The following ARFGEF1 variants were observed in gnomAD, a reference collection of about 807,000 sequenced individuals.
The protein encoded by ARFGEF1 is ARF guanine nucleotide exchange factor 1, also known as brefeldin A-inhibited guanine nucleotide-exchange protein 1.
In ARFGEF1, 42 loss-of-function variants were observed where a neutral mutation model predicts 231.0. The observed-to-expected ratio is 0.18, with a 90% confidence interval of 0.14 to 0.24. The LOEUF (loss-of-function observed/expected upper bound fraction) is 0.24, where lower values mean the gene tolerates loss of function less well. ARFGEF1 is among the 10% of genes least tolerant of loss of function. The pLI is 1.00. For synonymous variants in ARFGEF1, 710 were observed against 732.3 expected (o/e 0.97, Z 0.49); for missense variants, 1,345 against 2,192.0 (o/e 0.61, Z 7.72).
chr8:67,329,179 T>A (rs1807980489), intron 1 of ARFGEF1, among the ~76,000 whole-genome samples: 1 of 151,970 alleles, frequency 6.6e-6, no homozygotes, highest in Admixed American at 6.6e-5. Context: ...TGAGCCGACA[T>A]GGCACCACCG....
intron 27 of ARFGEF1, among the ~76,000 whole-genome samples, 191 bp from the exon 28 acceptor site, chr8:67,226,374 TTGTC>T (rs1034036208): frequency 6.6e-6 from 1 of 152,096 alleles, no homozygotes; most frequent in Non-Finnish European, 1.5e-5. Context: ...ATAGTAAAAC[TTGTC>T]TGTTTTGTTT....
In ARFGEF1 at chr8:67,238,379, C is replaced by G. The variant is rs1432971720; in HGVS notation, c.3253G>C (p.Asp1085His). 6.2e-7 allele frequency: 1 copy of G among 1,612,326 alleles called. No individual in the cohort carries two copies. The highest frequency in any genetic ancestry group is 8.5e-7 in the Non-Finnish European group (1 of 1,179,550). Residue 1085 changes from aspartate (D) to histidine (H), a missense_variant, in exon 22 of 39, where the codon GAT becomes CAT. Transcript: ENST00000262215. ...GREGSLTGTK[D>H]QAPDEFVGLG... ...CCCACAAATTCATCAGGAGCCTGAT[C>G]TTTTGTTCCAGTAAGAGATCCTTCT...
intron 33 of ARFGEF1, among the ~76,000 whole-genome samples, chr8:67,212,558 C>T (rs1838786749): frequency 6.6e-6 from 1 of 152,178 alleles, no homozygotes; most frequent in Non-Finnish European, 1.5e-5. Flanking sequence ...GCTGACCCTA[C>T]TCCTCCTCGA....
At position 67,297,982 on chromosome 8, in the gene ARFGEF1, T is replaced by G. The variant is rs142781779; in HGVS notation, c.459+1227A>C. Among the ~76,000 whole-genome samples, 66 of 152,202 alleles carry G rather than the reference T, an allele frequency of 4.3e-4. No homozygotes were observed. The East Asian group carries it at 0.012, about 29-fold the overall frequency. On this transcript the variant is annotated intron_variant, in intron 4 of 38. Transcript: ENST00000262215. ...CACATCTGGCTAATTTTTAAATTAT[T>G]TTTTGTAGAGACAGGGTCTTGCTGT...
At chr8:67,227,878 G>T in intron 25 of ARFGEF1, 85 bp downstream of exon 25, 1 of 1,149,766 alleles carries the variant, frequency 8.7e-7, no homozygotes, top group East Asian at 2.7e-5. Flanking sequence ...TGCTTGGAAG[G>T]GAAAAAGGCT....
At chr8:67,319,435 C>T (rs1363739591) in intron 1 of ARFGEF1, among the ~76,000 whole-genome samples, 1 of 147,290 alleles carries the variant, frequency 6.8e-6, no homozygotes, top group Admixed American at 6.8e-5. Flanking sequence ...GACAAAAGTA[C>T]AAGTGCAATT....
chr8:67,201,876 G>C, intron 36 of ARFGEF1: 1 of 383,588 alleles, frequency 2.6e-6, no homozygotes, highest in Non-Finnish European at 4.7e-6. Context: ...GCTGTGGAAG[G>C]GGCCATGTGC....
Position 67,277,443 on chromosome 8 carries a change from T to C in ARFGEF1, c.1042A>G (p.Thr348Ala), listed in dbSNP as rs748665917. 1.2e-5 allele frequency: 20 copies of C among 1,612,960 alleles called. No homozygotes were observed. The highest frequency in any genetic ancestry group is 1.7e-5 in the Admixed American group (1 of 59,922). The change falls in exon 8 of 39, where the codon ACT (threonine) becomes GCT (alanine). Residue 348 changes from threonine to alanine, a missense_variant. Transcript: ENST00000262215. ...NIVVGDMGEG[T>A]TINASADGNI... ...CCATCTGCACTTGCATTTATAGTAG[T>C]CCCTTCTCCCATATCTAAAATGATA... is the stretch of plus-strand genomic sequence containing the variant.
intron 1 of ARFGEF1, among the ~76,000 whole-genome samples, chr8:67,331,611 G>C (rs2128933740): frequency 6.6e-6 from 1 of 151,992 alleles, no homozygotes; most frequent in Non-Finnish European, 1.5e-5. Flanking sequence ...AACAGACTAA[G>C]ATATACTCTA....
At chr8:67,183,001 T>C (rs1483996025) in intron 5 of ARFGEF1, among the ~76,000 whole-genome samples, 1 of 152,224 alleles carries the variant, frequency 6.6e-6, no homozygotes, top group Non-Finnish European at 1.5e-5. Flanking sequence ...ATTTATCTTT[T>C]CTTTTGTTGC....
intron 5 of ARFGEF1, among the ~76,000 whole-genome samples, chr8:67,294,245 C>T (rs574811460): frequency 9.2e-5 from 14 of 152,142 alleles, no homozygotes; most frequent in African/African-American, 3.1e-4. Flanking sequence ...TTTTGGTATC[C>T]ATGGGAGGGC....
chr8:67,267,400 T>C lies in ARFGEF1; in HGVS notation c.1615A>G (p.Thr539Ala), dbSNP rs369952425. Residue 539 changes from threonine (T) to alanine (A), a missense_variant, in exon 11 of 39, where the codon ACC (threonine) becomes GCC (alanine). By Grantham distance (58) the Thr-to-Ala change is moderately conservative (BLOSUM62 0). Coordinates refer to ENST00000262215, the MANE Select transcript of ARFGEF1 (RefSeq NM_006421.5). ...EIFLYILETS[T>A]SSFDHKWMVI... is the part of the protein sequence containing the mutation. Reference sequence around the variant, plus strand: ...ATCCATTTGTGATCAAATGAGCTGGTAGAAGTTTCCAAAATGTATAAGAAA... The same window carrying C: ...ATCCATTTGTGATCAAATGAGCTGGCAGAAGTTTCCAAAATGTATAAGAAA... 18 of 1,611,866 alleles carry C rather than the reference T, an allele frequency of 1.1e-5. No homozygotes were observed. The highest frequency in any genetic ancestry group is 2.2e-5 in the East Asian group (1 of 44,794).
chr8:67,293,740 C>T (rs552376328), intron 5 of ARFGEF1, among the ~76,000 whole-genome samples: 15 of 152,186 alleles, frequency 9.9e-5, no homozygotes, highest in African/African-American at 2.9e-4. Flanking sequence ...CTTGTGTAGT[C>T]CCTTTCCACA....
intron 38 of ARFGEF1, chr8:67,199,724 C>T (rs536121373): frequency 6.5e-6 from 1 of 154,508 alleles, no homozygotes; most frequent in South Asian, 2.0e-4. Flanking sequence ...GATTTAGAGC[C>T]CTTGGCCTTT....
intron 9 of ARFGEF1, among the ~76,000 whole-genome samples, chr8:67,273,419 CAAAAAAAAAAAAAAAA>C (rs58580002): frequency 1.8e-5 from 1 of 56,610 alleles, no homozygotes; most frequent in Non-Finnish European, 3.3e-5. Flanking sequence ...TTTTTTTTCC[CAAAAAAAAAAAAAAAA>C]AAAAAAAAAA....
intron 6 of ARFGEF1, among the ~76,000 whole-genome samples, chr8:67,291,343 GCAT>G (rs1805999817): frequency 6.6e-6 from 1 of 151,256 alleles, no homozygotes; most frequent in African/African-American, 2.4e-5. Context: ...TGATTACTAT[GCAT>G]CATGATTTTA....
chr8:67,253,351 T>C, intron 18 of ARFGEF1, 100 bp downstream of exon 18: 1 of 817,052 alleles, frequency 1.2e-6, no homozygotes, highest in East Asian at 2.9e-5. Flanking sequence ...AGCTGGGGAC[T>C]ATAAATGCAA....
chr8:67,175,430 G>C (rs756338126), downstream of ARFGEF1: 1 of 1,614,152 alleles, frequency 6.2e-7, no homozygotes, highest in Non-Finnish European at 8.5e-7. Context: ...GCAGGAAGGT[G>C]CCAAAGGTAA....
rs1839833724 is a variant in ARFGEF1 at position 67,238,427 on chromosome 8, T to C, written c.3205A>G (p.Ile1069Val). 1 of 1,614,008 alleles carries C rather than the reference T, an allele frequency of 6.2e-7. No individual in the cohort carries two copies. The highest frequency in any genetic ancestry group is 8.5e-7 in the Non-Finnish European group (1 of 1,179,934). The part of the protein sequence containing the change: ...LIGTGVKPRY[I>V]SGTVRGREGS... ...TCTCTGCCTCGCACTGTTCCAGAAA[T>C]GTATCGAGGTTTCACTCCAGTTCCT... Residue 1069 changes from isoleucine (I) to valine (V), a missense_variant, in exon 22 of 39, where the codon ATT becomes GTT. Transcript: ENST00000262215.
Sources: gnomAD v4.1 joint callset for allele counts (sites outside exome capture counted in the v4.1 genomes callset) on GRCh38, gnomAD v4.1.1 for gene constraint, MANE v1.5 for transcripts, NCBI Gene and HGNC (gene_info 2026-07-23, HGNC 2026-07-21) for gene names.